The following SRPK2 variants were observed in gnomAD, a reference collection of about 807,000 sequenced individuals.
The protein encoded by SRPK2 is SRSF protein kinase 2.
A neutral mutation model predicts 90.8 loss-of-function variants in SRPK2; 21 were observed. That is an observed-to-expected ratio of 0.23 (90% confidence interval 0.16 to 0.33). The LOEUF is 0.33. SRPK2 is among the 10% of genes least tolerant of loss of function. The pLI, the probability that SRPK2 is intolerant of heterozygous loss-of-function variation, is 1.00. For missense variants in SRPK2, 620 were observed against 869.0 expected, an observed-to-expected ratio of 0.71 and a Z score of 3.60; for synonymous variants, 288 against 311.1, an observed-to-expected ratio of 0.93 and a Z score of 0.78.
At chr7:105,245,737 T>G (rs1021499738) in intron 2 of SRPK2, among the ~76,000 whole-genome samples, 1 of 152,034 alleles carries the variant, frequency 6.6e-6, no homozygotes, top group African/African-American at 2.4e-5. Context: ...AGAGACAAGT[T>G]CTCTCTGTTG....
chr7:105,159,463 A>AAAAAAAAAAAAAAAAAAAAAAAAAAAC (rs1807153359), intron 7 of SRPK2, among the ~76,000 whole-genome samples: 1 of 146,522 alleles, frequency 6.8e-6, no homozygotes, highest in African/African-American at 2.6e-5. Context: ...AAAAAAAAAA[A>AAAAAAAAAAAAAAAAAAAAAAAAAAAC]AAAAAAAAAA....
At chr7:105,116,072 C>T (rs186094367), downstream of SRPK2, among the ~76,000 whole-genome samples, 2 of 152,276 alleles carry the variant, frequency 1.3e-5, no homozygotes, top group Admixed American at 1.3e-4. Context: ...TGTTTCCTAA[C>T]AGCAAATGCT....
In SRPK2 at chr7:105,260,328, A is replaced by G. The variant is rs1804033699; in HGVS notation, c.72-56543T>C. Among the ~76,000 whole-genome samples, 4 of 152,360 alleles carry G rather than the reference A, an allele frequency of 2.6e-5. No individual in the cohort carries two copies. The South Asian group carries it at 8.3e-4, about 32-fold the overall frequency. Reference sequence around the variant, plus strand: ...CAGAGAAATGCAAATCAAAACCACAATGAGATACCATCTCACACCAGTTAG... The same window carrying G: ...CAGAGAAATGCAAATCAAAACCACAGTGAGATACCATCTCACACCAGTTAG... On this transcript the variant is annotated intron_variant, in intron 2 of 15. Transcript: ENST00000393651.
chr7:105,354,492 C>T (rs1294182890), intron 2 of SRPK2, among the ~76,000 whole-genome samples: 1 of 152,204 alleles, frequency 6.6e-6, no homozygotes, highest in African/African-American at 2.4e-5. Flanking sequence ...CATAGGTAAG[C>T]ATTACGATCC....
intron 1 of SRPK2, among the ~76,000 whole-genome samples, chr7:105,397,729 C>T (rs1465834524): frequency 4.6e-5 from 7 of 152,018 alleles, no homozygotes; most frequent in Admixed American, 1.3e-4. Flanking sequence ...CTACAACCTC[C>T]GCCTCATGGG....
At chr7:105,389,164 G>A (rs1822048732), upstream of SRPK2, 2 of 1,026,620 alleles carry the variant, frequency 1.9e-6, no homozygotes, top group Non-Finnish European at 2.3e-6. Context: ...CGATCCTGCG[G>A]CTGGCCCAGG....
intron 3 of SRPK2, among the ~76,000 whole-genome samples, chr7:105,174,970 C>T (rs1472235410): frequency 3.9e-5 from 6 of 152,042 alleles, no homozygotes; most frequent in African/African-American, 1.2e-4. Flanking sequence ...GTGACAAAAA[C>T]GCCTCTCTTA....
intron 3 of SRPK2, among the ~76,000 whole-genome samples, chr7:105,172,492 A>G (rs1452989582): frequency 2.0e-5 from 3 of 152,222 alleles, no homozygotes; most frequent in African/African-American, 7.2e-5. Flanking sequence ...AATGCTGCAT[A>G]TTCCTGACAT....
At position 105,117,817 on chromosome 7, in the gene SRPK2, A is replaced by C; in HGVS notation, c.*21T>G. 6.2e-7 allele frequency: 1 copy of C among 1,611,654 alleles called. No individual in the cohort carries two copies. Among genetic ancestry groups the C allele is most frequent in the Non-Finnish European group, 8.5e-7 (1 of 1,179,526 alleles). On this transcript the variant is annotated 3_prime_UTR_variant, in exon 16 of 16. Coordinates refer to ENST00000393651, the MANE Select transcript of SRPK2 (RefSeq NM_182692.3). ...TACTGGGAACATTTGCTAGCTCAGA[A>C]TGCAATATTGGTAGAATTTGCTAAG...
chr7:105,314,887 T>C (rs1053184095), intron 2 of SRPK2, among the ~76,000 whole-genome samples: 1 of 152,254 alleles, frequency 6.6e-6, no homozygotes, highest in Non-Finnish European at 1.5e-5. Context: ...ACAAAGTATA[T>C]GTAGGAGAAC....
chr7:105,216,540 A>G (rs1797489070), intron 2 of SRPK2, among the ~76,000 whole-genome samples: 1 of 152,036 alleles, frequency 6.6e-6, no homozygotes, highest in Non-Finnish European at 1.5e-5. Context: ...TGTGGTCCCA[A>G]CTACTCAGGA....
At chr7:105,288,330 C>T (rs1808447495) in intron 2 of SRPK2, among the ~76,000 whole-genome samples, 3 of 152,150 alleles carry the variant, frequency 2.0e-5, no homozygotes, top group South Asian at 2.1e-4. Context: ...GGTGGGGTGG[C>T]TCATGCCTGT....
At chr7:105,168,745 A>ATGTGTGTG (rs58073613) in intron 4 of SRPK2, among the ~76,000 whole-genome samples, 9,963 of 103,928 alleles carry the variant, frequency 0.096, 657 homozygotes, top group East Asian at 0.18. Flanking sequence ...CACGCACCAA[A>ATGTGTGTG]TGTGTGTGTG....
chr7:105,387,751 G>A (rs1821787006), intron 2 of SRPK2, among the ~76,000 whole-genome samples: 1 of 152,338 alleles, frequency 6.6e-6, no homozygotes, highest in East Asian at 1.9e-4. Context: ...TAGAGGAAGA[G>A]ATAACGATGT....
chr7:105,295,077 T>C (rs1809607308), intron 2 of SRPK2, among the ~76,000 whole-genome samples: 1 of 151,726 alleles, frequency 6.6e-6, no homozygotes, highest in Non-Finnish European at 1.5e-5. Context: ...CCAGGTGTGG[T>C]GGCATGCGCC....
intron 6 of SRPK2, among the ~76,000 whole-genome samples, chr7:105,163,241 C>T (rs1184658234): frequency 2.0e-5 from 3 of 152,058 alleles, no homozygotes; most frequent in East Asian, 1.9e-4. Flanking sequence ...TTGAGGCACT[C>T]GCAAGATAAG....
intron 2 of SRPK2, among the ~76,000 whole-genome samples, chr7:105,336,787 G>C (rs528787387): frequency 6.6e-6 from 1 of 152,174 alleles, no homozygotes; most frequent in African/African-American, 2.4e-5. Flanking sequence ...GTGGAAATGT[G>C]AACATGGATT....
intron 2 of SRPK2, among the ~76,000 whole-genome samples, chr7:105,309,834 G>A (rs1271332816): frequency 2.6e-5 from 4 of 152,170 alleles, no homozygotes; most frequent in African/African-American, 9.7e-5. Context: ...GACAGATACT[G>A]GTGCCAACCC....
intron 7 of SRPK2, among the ~76,000 whole-genome samples, chr7:105,150,719 A>T (rs1446405268): frequency 6.6e-6 from 1 of 152,212 alleles, no homozygotes; most frequent in African/African-American, 2.4e-5. Context: ...ACAACAAAAG[A>T]GATTCTGAAA....
Sources: allele counts gnomAD v4.1 joint callset (sites outside exome capture counted in the v4.1 genomes callset), GRCh38; gene constraint gnomAD v4.1.1; transcripts MANE v1.5; gene names NCBI Gene and HGNC (gene_info 2026-07-23, HGNC 2026-07-21).